Variants in TFRC observed in about 807,000 individuals in gnomAD.
TFRC encodes transferrin receptor protein 1.
TFRC carries 35 observed loss-of-function variants against 85.8 expected under a neutral mutation model. The observed-to-expected ratio is 0.41, with a 90% CI of 0.31 to 0.54. The LOEUF (loss-of-function observed/expected upper bound fraction) is 0.54, where lower values mean the gene tolerates loss of function less well. Ranked by LOEUF, TFRC falls within the 20% of genes least tolerant of loss-of-function variation. The probability of loss-of-function intolerance (pLI) is 0.31; values close to 1 mark genes in which losing one functional copy is unlikely to be tolerated. For synonymous variants in TFRC, 362 were observed against 328.6 expected (o/e 1.10, Z -1.10); for missense variants, 828 against 921.5 (o/e 0.90, Z 1.31).
chr3:196,073,489 A>C (rs1404157972), intron 4 of TFRC, among the ~76,000 whole-genome samples: 1 of 152,096 alleles, frequency 6.6e-6, no homozygotes, highest in East Asian at 1.9e-4. Flanking sequence ...GAAATTAAGA[A>C]GCACTAGAGA....
At chr3:196,068,972 T>C (rs551540865) in intron 7 of TFRC, among the ~76,000 whole-genome samples, 6 of 151,350 alleles carry the variant, frequency 4.0e-5, no homozygotes, top group African/African-American at 1.2e-4. Flanking sequence ...AAAACCCATC[T>C]AAGACAACCA....
chr3:196,075,057 A>AT, intron 3 of TFRC, 102 bp downstream of exon 3: 5 of 706,886 alleles, frequency 7.1e-6, no homozygotes, highest in Non-Finnish European at 1.1e-5. Flanking sequence ...AAAAAAAAAA[A>AT]AAAAAAAAAT....
chr3:196,051,944 A>G lies in TFRC; in HGVS notation c.2281T>C (p.Ter761GlnextTer2). 6.2e-7 allele frequency: 1 copy of G among 1,614,168 alleles called. No homozygotes were observed. The highest frequency in any genetic ancestry group is 8.5e-7 in the Non-Finnish European group (1 of 1,180,008). ...CATGGAAGCTATGGGTATCACATTT[A>G]AAACTCATTGTCAATGTCCCAAACG... ...GDVWDIDNEF* is the reference protein window; with the variant it reads ...GDVWDIDNEFQ The change falls in exon 19 of 19, where the codon TAA becomes CAA. Residue 761 changes from the stop codon to glutamine, a stop_lost. Coordinates refer to ENST00000360110, the MANE Select transcript of TFRC (RefSeq NM_001128148.3).
Position 196,051,270 on chromosome 3 carries a change from A to C in TFRC, c.*672T>G, listed in dbSNP as rs1008041449. Reference sequence around the variant, plus strand: ...TATGGGGGAAGGGACAGAGGAAAAGAAAATATACTAAGTCTTTGGCTTCTG... The same window carrying C: ...TATGGGGGAAGGGACAGAGGAAAAGCAAATATACTAAGTCTTTGGCTTCTG... On this transcript the variant is annotated 3_prime_UTR_variant, in exon 19 of 19. Transcript: ENST00000360110. 4.6e-6 allele frequency: 1 copy of C among 219,670 alleles called. No individual in the cohort carries two copies. Among genetic ancestry groups the C allele is most frequent in the African/African-American group, 2.2e-5 (1 of 44,606 alleles). The allele number at this position is 219,670 out of a possible 1,614,324, so 13.6% of individuals were successfully genotyped here.
chr3:196,060,827 T>TAC (rs1491571696), intron 13 of TFRC, among the ~76,000 whole-genome samples: 6 of 55,950 alleles, frequency 1.1e-4, no homozygotes, highest in Non-Finnish European at 2.1e-4. Context: ...AAAAAAAAAA[T>TAC]CAGACCAGTT....
At chr3:196,078,280 A>T (rs1237464775) in intron 1 of TFRC, among the ~76,000 whole-genome samples, 1 of 152,180 alleles carries the variant, frequency 6.6e-6, no homozygotes, top group Non-Finnish European at 1.5e-5. Context: ...GAGTACACTT[A>T]GGGCATATTA....
intron 11 of TFRC, among the ~76,000 whole-genome samples, chr3:196,063,885 C>T (rs1454473689): frequency 6.6e-6 from 1 of 151,770 alleles, no homozygotes; most frequent in Admixed American, 6.6e-5. Flanking sequence ...CACACCACTG[C>T]ACTCCAGCCT....
intron 16 of TFRC, among the ~76,000 whole-genome samples, chr3:196,057,056 G>A (rs1296282805): frequency 2.0e-5 from 3 of 152,142 alleles, no homozygotes; most frequent in East Asian, 1.9e-4. Context: ...TCCTGACTTC[G>A]TAATCCGCCT....
intron 1 of TFRC, among the ~76,000 whole-genome samples, chr3:196,081,251 T>C (rs975496587): frequency 2.0e-5 from 3 of 152,154 alleles, no homozygotes; most frequent in Non-Finnish European, 4.4e-5. Flanking sequence ...CTGCTAGCAA[T>C]ATTCTTAATG....
chr3:196,051,201 G>C lies in TFRC; in HGVS notation c.*741C>G, dbSNP rs41298107. Reference sequence around the variant, plus strand: ...CACCTGAAACTGGTTCTCTTTCAATGTGCTTTGGAAGAAACAAAAATAACA... The same window carrying C: ...CACCTGAAACTGGTTCTCTTTCAATCTGCTTTGGAAGAAACAAAAATAACA... On this transcript the variant is annotated 3_prime_UTR_variant, in exon 19 of 19. Coordinates refer to ENST00000360110, the MANE Select transcript of TFRC (RefSeq NM_001128148.3). 15 of 217,122 alleles carry C rather than the reference G, an allele frequency of 6.9e-5. No homozygotes were observed. The highest frequency in any genetic ancestry group is 1.3e-4 in the Non-Finnish European group (14 of 107,644). The allele number at this position is 217,122 out of a possible 1,614,324, so 13.4% of individuals were successfully genotyped here.
intron 17 of TFRC, 80 bp downstream of exon 17, chr3:196,055,000 C>T: frequency 7.4e-7 from 1 of 1,351,222 alleles, no homozygotes; most frequent in Non-Finnish European, 1.0e-6. Context: ...ACCCTTCCAA[C>T]AGGAACACAC....
intron 1 of TFRC, among the ~76,000 whole-genome samples, chr3:196,078,663 AT>A (rs1236111250): frequency 1.3e-5 from 2 of 152,186 alleles, no homozygotes; most frequent in African/African-American, 4.8e-5. Context: ...TCTCAAAAAA[AT>A]AATAAAAAAG....
chr3:196,058,123 C>A, intron 16 of TFRC, 161 bp downstream of exon 16: 1 of 522,968 alleles, frequency 1.9e-6, no homozygotes, highest in Non-Finnish European at 3.4e-6. Context: ...TTTTGTAATC[C>A]TCGTCATTTG....
At chr3:196,052,991 G>A (rs1716463155) in intron 18 of TFRC, among the ~76,000 whole-genome samples, 1 of 151,986 alleles carries the variant, frequency 6.6e-6, no homozygotes, top group African/African-American at 2.4e-5. Flanking sequence ...TTGGGCACCT[G>A]TAATCACAGC....
Position 196,049,904 on chromosome 3 carries a change from T to C in TFRC, c.*2038A>G, listed in dbSNP as rs1000623229. 6 of 231,578 alleles carry C rather than the reference T, an allele frequency of 2.6e-5. No individual in the cohort carries two copies. The highest frequency in any genetic ancestry group is 6.1e-5 in the East Asian group (1 of 16,394). The allele number at this position is 231,578 out of a possible 1,614,324, so 14.3% of individuals were successfully genotyped here. ...ACACTAAGAACCTGAAGAGACCCTA[T>C]GAACTTTTCCCTAGGAGGCCGTTTC... is the stretch of plus-strand genomic sequence containing the variant. On this transcript the variant is annotated 3_prime_UTR_variant, in exon 19 of 19. Coordinates refer to ENST00000360110, the MANE Select transcript of TFRC (RefSeq NM_001128148.3).
intron 1 of TFRC, among the ~76,000 whole-genome samples, chr3:196,078,017 G>A (rs1282024695): frequency 2.0e-5 from 3 of 152,264 alleles, no homozygotes; most frequent in Admixed American, 6.5e-5. Context: ...TAATCTAAGC[G>A]AAGTTAAATG....
Position 196,052,048 on chromosome 3 carries a change from A to T in TFRC, c.2177T>A (p.Phe726Tyr). The change falls in exon 19 of 19, where the codon TTT (phenylalanine) becomes TAT (tyrosine). Residue 726 changes from phenylalanine to tyrosine, a missense_variant. Phe to Tyr is a conservative substitution (Grantham distance 22). Transcript: ENST00000360110. ...CTGGTTTCTGAACAGCGTTTCATTA[A>T]AAGCACCGTTATTTTGTTTACGCAG... ...LKLRKQNNGA[F>Y]NETLFRNQLA... 2 of 1,614,216 alleles carry T rather than the reference A, an allele frequency of 1.2e-6. No homozygotes were observed. Among genetic ancestry groups the T allele is most frequent in the Non-Finnish European group, 1.7e-6 (2 of 1,180,032 alleles).
At chr3:196,056,779 C>G (rs1716830961) in intron 16 of TFRC, among the ~76,000 whole-genome samples, 2 of 152,112 alleles carry the variant, frequency 1.3e-5, no homozygotes, top group South Asian at 4.1e-4. Flanking sequence ...ATTAACAAGT[C>G]TATGTTAAAA....
rs1286095856 is a variant in TFRC, at chr3:196,050,526, G to C, written c.*1416C>G. ...CTTAGTGTAACATATGGAGATCACTGTCTCCGATACAGACACTGTGGTAGG... is the reference window on the plus strand; with the variant it reads ...CTTAGTGTAACATATGGAGATCACTCTCTCCGATACAGACACTGTGGTAGG... On this transcript the variant is annotated 3_prime_UTR_variant, in exon 19 of 19. Coordinates refer to ENST00000360110, the MANE Select transcript of TFRC (RefSeq NM_001128148.3). The C allele has an allele frequency of 2.9e-5, 6 of 204,244 alleles. No homozygotes were observed. Among genetic ancestry groups the C allele is most frequent in the Non-Finnish European group, 6.0e-5 (6 of 99,422 alleles). 12.7% of individuals were successfully genotyped at this position (204,244 alleles called of 1,614,324 possible).
Sources: allele counts gnomAD v4.1 joint callset (sites outside exome capture counted in the v4.1 genomes callset), GRCh38; gene constraint gnomAD v4.1.1; transcripts MANE v1.5; gene names NCBI Gene and HGNC (gene_info 2026-07-23, HGNC 2026-07-21).